Variants in CAMTA1 observed in about 807,000 individuals in gnomAD.
CAMTA1 encodes the protein calmodulin binding transcription activator 1.
Under a neutral mutation model 170.9 loss-of-function variants are expected in CAMTA1, and 27 were observed. The ratio of observed to expected loss-of-function variants is 0.16; its 90% confidence interval spans 0.12 to 0.22. The LOEUF (loss-of-function observed/expected upper bound fraction) is 0.22, where lower values mean the gene tolerates loss of function less well. CAMTA1 is among the 10% of genes least tolerant of loss of function. The pLI is 1.00. For synonymous variants in CAMTA1, 833 were observed against 891.5 expected, an observed-to-expected ratio of 0.93 and a Z score of 1.17; for missense variants, 1,619 against 2,217.2, an observed-to-expected ratio of 0.73 and a Z score of 5.42.
intron 22 of CAMTA1, among the ~76,000 whole-genome samples, chr1:7,756,178 C>G (rs962320359): frequency 6.6e-6 from 1 of 151,654 alleles, no homozygotes; most frequent in African/African-American, 2.4e-5. Flanking sequence ...TTCCCTATAC[C>G]CTGCTCCTGT....
At chr1:6,939,149 T>A (rs1685975270) in intron 3 of CAMTA1, among the ~76,000 whole-genome samples, 1 of 152,172 alleles carries the variant, frequency 6.6e-6, no homozygotes, top group Non-Finnish European at 1.5e-5. Flanking sequence ...GGATTTGGGT[T>A]CGTAACCAGA....
At chr1:7,230,619 T>C (rs1454767240) in intron 4 of CAMTA1, among the ~76,000 whole-genome samples, 1 of 152,116 alleles carries the variant, frequency 6.6e-6, no homozygotes, top group Non-Finnish European at 1.5e-5. Flanking sequence ...GAGAAAATCA[T>C]TGTTTAGCCA....
chr1:7,085,797 G>A (rs1640656903), intron 3 of CAMTA1, among the ~76,000 whole-genome samples: 1 of 152,240 alleles, frequency 6.6e-6, no homozygotes, highest in African/African-American at 2.4e-5. Context: ...CCTGACATGG[G>A]CTTTGCAGTC....
intron 5 of CAMTA1, among the ~76,000 whole-genome samples, chr1:7,296,543 G>C (rs1458501358): frequency 6.6e-6 from 1 of 152,114 alleles, no homozygotes; most frequent in Admixed American, 6.5e-5. Flanking sequence ...TGATAATTTG[G>C]GTGTGGGAAT....
intron 21 of CAMTA1, among the ~76,000 whole-genome samples, chr1:7,754,469 T>G (rs2096918166): frequency 1.3e-5 from 2 of 152,230 alleles, no homozygotes; most frequent in Admixed American, 6.5e-5. Context: ...CCGTGTTTAC[T>G]TTGGGAGAGT....
intron 3 of CAMTA1, among the ~76,000 whole-genome samples, chr1:6,903,847 G>A (rs1677666485): frequency 6.6e-6 from 1 of 152,220 alleles, no homozygotes; most frequent in Non-Finnish European, 1.5e-5. Context: ...CAAAGGATTG[G>A]AAGAGAGGCC....
At position 7,727,121 on chromosome 1, in the gene CAMTA1, AT is replaced by A. The variant is rs71567310; in HGVS notation, c.2915-5308del. Among the ~76,000 whole-genome samples the A allele has an allele frequency of 3.6e-3, 469 of 130,300 alleles. 2 individuals carry two copies. The highest frequency in any genetic ancestry group is 7.0e-3 in the Admixed American group (88 of 12,630). The allele number at this position is 130,300 out of a possible 152,430, so 85.5% of individuals were successfully genotyped here. A position where few individuals can be genotyped will look rare whatever the true frequency, so the allele number is the denominator to read the frequency against. ...ACTCCCCTTTCTCTGCCTTGTATTA[AT>A]TTTTTTTTTTTTTTTTTTGAGACAG... On this transcript the variant is annotated intron_variant, in intron 11 of 22. Coordinates refer to ENST00000303635, the MANE Select transcript of CAMTA1 (RefSeq NM_015215.4).
At chr1:7,182,594 G>A (rs1167414843) in intron 4 of CAMTA1, among the ~76,000 whole-genome samples, 1 of 151,852 alleles carries the variant, frequency 6.6e-6, no homozygotes, top group African/African-American at 2.4e-5. Flanking sequence ...AAATCCAGAT[G>A]TAGTTAAAGA....
intron 3 of CAMTA1, among the ~76,000 whole-genome samples, chr1:7,061,819 G>A (rs1708259899): frequency 6.6e-6 from 1 of 152,090 alleles, no homozygotes; most frequent in Non-Finnish European, 1.5e-5. Context: ...GAGGGAGCTG[G>A]GAAGAAGAGC....
At chr1:7,022,924 A>T (rs1316283949) in intron 3 of CAMTA1, among the ~76,000 whole-genome samples, 2 of 152,142 alleles carry the variant, frequency 1.3e-5, no homozygotes, top group Non-Finnish European at 2.9e-5. Context: ...GGAAGCCAGG[A>T]TGAAATTTAG....
intron 3 of CAMTA1, among the ~76,000 whole-genome samples, chr1:6,863,065 A>G (rs960819348): frequency 6.6e-6 from 1 of 152,222 alleles, no homozygotes; most frequent in African/African-American, 2.4e-5. Flanking sequence ...AAAGTATACA[A>G]TGTAATTTGA....
chr1:7,695,478 G>T (rs1335738863), intron 11 of CAMTA1, among the ~76,000 whole-genome samples: 1 of 152,216 alleles, frequency 6.6e-6, no homozygotes, highest in Non-Finnish European at 1.5e-5. Context: ...ACTTGAAAGT[G>T]AGATTAGACC....
chr1:7,127,234 A>T, intron 4 of CAMTA1, among the ~76,000 whole-genome samples: 1 of 139,584 alleles, frequency 7.2e-6, no homozygotes, highest in East Asian at 2.2e-4. Context: ...GGGTGAAGGG[A>T]AGGCCAGAGG....
intron 3 of CAMTA1, among the ~76,000 whole-genome samples, chr1:6,941,337 A>AGCCTTCTT (rs1270998509): frequency 1.3e-5 from 2 of 152,196 alleles, no homozygotes; most frequent in African/African-American, 4.8e-5. Context: ...TGGCCCCCAA[A>AGCCTTCTT]GCCTTCTTGA....
intron 20 of CAMTA1, 112 bp downstream of exon 20, chr1:7,751,504 G>A (rs1358320437): frequency 1.3e-5 from 11 of 836,218 alleles, no homozygotes; most frequent in Admixed American, 6.2e-5. Context: ...CTAAAGCATT[G>A]GCAGTCACTG....
chr1:7,222,592 C>A (rs1443571486), intron 4 of CAMTA1, among the ~76,000 whole-genome samples: 4 of 152,154 alleles, frequency 2.6e-5, no homozygotes, highest in African/African-American at 9.7e-5. Flanking sequence ...CCTGAGTCCT[C>A]CCTAGACAGC....
intron 3 of CAMTA1, among the ~76,000 whole-genome samples, chr1:6,880,338 G>GTGTGGGGT (rs1671161103): frequency 6.7e-6 from 1 of 148,228 alleles, no homozygotes; most frequent in African/African-American, 2.5e-5. Context: ...ACCTCCCAAC[G>GTGTGGGGT]TGTGGGGTTA....
At chr1:7,631,020 C>A (rs2095665455) in intron 6 of CAMTA1, among the ~76,000 whole-genome samples, 1 of 152,182 alleles carries the variant, frequency 6.6e-6, no homozygotes. Flanking sequence ...AGATCTGTAC[C>A]CCAGTTACCG....
rs185338123 is a variant in CAMTA1 at position 7,633,908 on chromosome 1, C to A, written c.511-6492C>A. 3.3e-5 allele frequency among the ~76,000 whole-genome samples: 5 copies of A among 152,358 alleles called. No individual in the cohort carries two copies. In the East Asian group the frequency reaches 9.6e-4, roughly 29 times the overall value. On this transcript the variant is annotated intron_variant, in intron 6 of 22. Coordinates refer to ENST00000303635, the MANE Select transcript of CAMTA1 (RefSeq NM_015215.4). The surrounding 1 kb of genome is among the most constrained non-coding windows in gnomAD (Gnocchi z 4.1). ...GAATGAGGTTTCCACAAGAAAGTGACCTGGGACCAATGTGGCATGGAGCGT... is the reference window on the plus strand; with the variant it reads ...GAATGAGGTTTCCACAAGAAAGTGAACTGGGACCAATGTGGCATGGAGCGT...
Sources: allele counts gnomAD v4.1 joint callset (sites outside exome capture counted in the v4.1 genomes callset), GRCh38; gene constraint gnomAD v4.1.1; non-coding constraint Gnocchi (gnomAD v3.1); transcripts MANE v1.5; gene names NCBI Gene and HGNC (gene_info 2026-07-23, HGNC 2026-07-21).